PRELID2: variants seen among roughly 807,000 people sequenced by gnomAD.
PRELID2 encodes the protein PRELI domain containing 2.
Under a neutral mutation model 28.4 loss-of-function variants are expected in PRELID2, and 25 were observed. The observed-to-expected ratio is 0.88, with a 90% confidence interval of 0.64 to 1.23. PRELID2 has a LOEUF of 1.23. Among genes scored for constraint, PRELID2 ranks in the 50% most tolerant of loss-of-function variants. The probability of loss-of-function intolerance (pLI) is 0.00; values close to 1 mark genes in which losing one functional copy is unlikely to be tolerated. For synonymous variants in PRELID2, 76 were observed against 71.6 expected (o/e 1.06, Z -0.31); for missense variants, 201 against 214.4 (o/e 0.94, Z 0.39).
chr5:145,638,043 T>C (rs1406597332), intron 1 of PRELID2, among the ~76,000 whole-genome samples: 1 of 152,172 alleles, frequency 6.6e-6, no homozygotes, highest in African/African-American at 2.4e-5. Flanking sequence ...ACTCCTGACC[T>C]CAGGTGATGC....
intron 1 of PRELID2, among the ~76,000 whole-genome samples, chr5:145,724,209 T>A (rs1170435921): frequency 6.6e-6 from 1 of 152,072 alleles, no homozygotes; most frequent in East Asian, 1.9e-4. Flanking sequence ...AGTAACGGTA[T>A]AAATTGGTAT....
intron 1 of PRELID2, among the ~76,000 whole-genome samples, chr5:145,602,261 G>A (rs996741225): frequency 6.6e-5 from 10 of 152,260 alleles, no homozygotes; most frequent in Non-Finnish European, 1.5e-4. Flanking sequence ...AAGACAGATA[G>A]CACATAGGGA....
intron 4 of PRELID2, among the ~76,000 whole-genome samples, chr5:145,810,737 C>A (rs1224823267): frequency 1.3e-5 from 2 of 152,122 alleles, no homozygotes; most frequent in Non-Finnish European, 2.9e-5. Context: ...TGGGCTGGCA[C>A]TATTTTAAGC....
intron 1 of PRELID2, among the ~76,000 whole-genome samples, chr5:145,630,572 G>A (rs141678934): frequency 5.3e-5 from 8 of 152,188 alleles, no homozygotes; most frequent in African/African-American, 1.7e-4. Flanking sequence ...TCCTTAAAAC[G>A]TGTTCTTCCT....
At chr5:145,687,352 A>C (rs1261216722) in intron 1 of PRELID2, among the ~76,000 whole-genome samples, 2 of 152,194 alleles carry the variant, frequency 1.3e-5, no homozygotes, top group East Asian at 3.9e-4. Flanking sequence ...TCGTCAAAAG[A>C]CAATCAGACA....
At chr5:145,794,008 G>C (rs1752572104) in intron 5 of PRELID2, among the ~76,000 whole-genome samples, 1 of 152,108 alleles carries the variant, frequency 6.6e-6, no homozygotes, top group Non-Finnish European at 1.5e-5. Flanking sequence ...GGTGGTGCCT[G>C]ACCTATAGGA....
At chr5:145,785,026 C>T (rs763743044) in intron 5 of PRELID2, among the ~76,000 whole-genome samples, 19 of 151,920 alleles carry the variant, frequency 1.3e-4, no homozygotes, top group East Asian at 5.8e-4. Context: ...CCCTGTACCA[C>T]GGTATATCTA....
At chr5:145,653,230 G>A (rs1202171293) in intron 1 of PRELID2, among the ~76,000 whole-genome samples, 1 of 152,110 alleles carries the variant, frequency 6.6e-6, no homozygotes, top group African/African-American at 2.4e-5. Context: ...CCCAATACAG[G>A]AGCACCCAGA....
rs547217283 is a variant in PRELID2 at position 145,514,372 on chromosome 5, T to C, written n.71-41057A>G. 1.1e-4 allele frequency among the ~76,000 whole-genome samples: 17 copies of C among 149,800 alleles called. No individual in the cohort carries two copies. In the South Asian group the frequency reaches 3.2e-3, roughly 28 times the overall value. On this transcript the variant is annotated intron_variant and non_coding_transcript_variant, in intron 1 of 2. Transcript: ENST00000510259. ...TCCTAGTCTCTGATTAAACAGACTT[T>C]AAACCAGCAAAGATCAAAAAAGACA...
chr5:145,311,834 C>T, the PRELID2 span, among the ~76,000 whole-genome samples: 1 of 152,050 alleles, frequency 6.6e-6, no homozygotes, highest in Non-Finnish European at 1.5e-5. Flanking sequence ...CACTTTAATA[C>T]AAATCTTCTG....
chr5:145,249,965 C>CTCTCTCTCTCTCTCT, the PRELID2 span, among the ~76,000 whole-genome samples: 1 of 151,310 alleles, frequency 6.6e-6, no homozygotes, highest in African/African-American at 2.4e-5. Context: ...CTCTCTCTCT[C>CTCTCTCTCTCTCTCT]CTTTTGATGC....
chr5:145,668,818 T>A (rs1179369180), intron 1 of PRELID2, among the ~76,000 whole-genome samples: 1 of 152,086 alleles, frequency 6.6e-6, no homozygotes, highest in African/African-American at 2.4e-5. Flanking sequence ...AACTAAAGAC[T>A]TTATTATCCC....
the PRELID2 span, among the ~76,000 whole-genome samples, chr5:145,362,663 GA>G: frequency 6.6e-6 from 1 of 152,054 alleles, no homozygotes; most frequent in South Asian, 2.1e-4. Flanking sequence ...GACCAAGGGA[GA>G]AAAAATAGTT....
At chr5:145,663,464 G>A (rs1347159) in intron 1 of PRELID2, among the ~76,000 whole-genome samples, 211 of 152,276 alleles carry the variant, frequency 1.4e-3, no homozygotes, top group African/African-American at 5.0e-3. Flanking sequence ...GGTACAAGCT[G>A]TAAGGCAGCA....
the PRELID2 span, among the ~76,000 whole-genome samples, chr5:145,426,258 GTCCCC>G: frequency 1.3e-5 from 2 of 152,050 alleles, no homozygotes. Context: ...GAAATAAGTT[GTCCCC>G]TCAAGATCAA....
At chr5:145,775,611 C>T (rs920766751) in intron 5 of PRELID2, among the ~76,000 whole-genome samples, 2 of 152,216 alleles carry the variant, frequency 1.3e-5, no homozygotes, top group Admixed American at 1.3e-4. Flanking sequence ...TCTGCTTTAA[C>T]ACAATATCTG....
intron 1 of PRELID2, among the ~76,000 whole-genome samples, chr5:145,596,380 G>A (rs1214431316): frequency 1.3e-5 from 2 of 152,040 alleles, no homozygotes; most frequent in Non-Finnish European, 2.9e-5. Flanking sequence ...ATTAGACCTG[G>A]CATTTATCCT....
In PRELID2 at chr5:145,656,493, G is replaced by A. The variant is rs564908528; in HGVS notation, n.70+108438C>T. 2.0e-5 allele frequency among the ~76,000 whole-genome samples: 3 copies of A among 152,128 alleles called. No individual in the cohort carries two copies. The South Asian group carries it at 6.2e-4, about 32-fold the overall frequency. On this transcript the variant is annotated intron_variant and non_coding_transcript_variant, in intron 1 of 2. Transcript: ENST00000510259. The stretch of plus-strand genomic sequence containing the variant: ...CACTATTCACAGTAGCAAAGACTTG[G>A]AACCAACCCAAATGTCCACTAATAA...
At chr5:145,308,278 C>CA in the PRELID2 span, among the ~76,000 whole-genome samples, 3 of 152,160 alleles carry the variant, frequency 2.0e-5, no homozygotes, top group South Asian at 6.2e-4. Flanking sequence ...TTAATGCTAA[C>CA]AAACGTATTT....
Sources: gnomAD v4.1 joint callset for allele counts (sites outside exome capture counted in the v4.1 genomes callset) on GRCh38, gnomAD v4.1.1 for gene constraint, MANE v1.5 for transcripts, NCBI Gene and HGNC (gene_info 2026-07-23, HGNC 2026-07-21) for gene names.